TSPAN1: variants seen among roughly 807,000 people sequenced by gnomAD.
The protein encoded by TSPAN1 is tetraspanin 1.
A neutral mutation model predicts 26.9 loss-of-function variants in TSPAN1; 23 were observed. The observed-to-expected ratio is 0.85, with a 90% CI of 0.62 to 1.21. The LOEUF (loss-of-function observed/expected upper bound fraction) is 1.21. Among genes scored for constraint, TSPAN1 ranks in the 50% most tolerant of loss-of-function variants. The probability of loss-of-function intolerance (pLI) is 0.00; values close to 1 mark genes in which losing one functional copy is unlikely to be tolerated. For synonymous variants in TSPAN1, 115 were observed against 114.8 expected (o/e 1.00, Z -0.01); for missense variants, 283 against 298.4 (o/e 0.95, Z 0.38).
downstream of TSPAN1, among the ~76,000 whole-genome samples, chr1:46,188,519 C>A (rs1462238245): frequency 2.0e-5 from 3 of 152,206 alleles, no homozygotes; most frequent in Non-Finnish European, 4.4e-5. Context: ...GGGGAAAAAC[C>A]TTGGAGTTTG....
At chr1:46,194,007 G>A in the TSPAN1 span, 10 of 1,587,638 alleles carry the variant, frequency 6.3e-6, no homozygotes, top group African/African-American at 1.2e-4. Context: ...TCTCAGGTGA[G>A]GGTAGGTGCA....
At chr1:46,178,749 C>A (rs1657245238) in intron 1 of TSPAN1, among the ~76,000 whole-genome samples, 1 of 152,136 alleles carries the variant, frequency 6.6e-6, no homozygotes, top group Non-Finnish European at 1.5e-5. Context: ...GATGTAGACT[C>A]TGGTGCCAGA....
At chr1:46,177,883 A>G (rs970831136) in intron 1 of TSPAN1, among the ~76,000 whole-genome samples, 6 of 152,220 alleles carry the variant, frequency 3.9e-5, no homozygotes, top group African/African-American at 1.4e-4. Flanking sequence ...AGTGAGGTGA[A>G]GTCACACAAT....
chr1:46,191,113 C>A, the TSPAN1 span: 4 of 364,850 alleles, frequency 1.1e-5, no homozygotes, highest in Non-Finnish European at 2.1e-5. Flanking sequence ...ACAGGCCCTG[C>A]AGGAGGTGGT....
At chr1:46,186,634 C>A (rs560381772), downstream of TSPAN1, among the ~76,000 whole-genome samples, 45 of 149,382 alleles carry the variant, frequency 3.0e-4, no homozygotes, top group Admixed American at 2.9e-3. Context: ...GGATTACAGG[C>A]ACCTGCCACC....
In TSPAN1 at chr1:46,184,323, G is replaced by A. The variant is rs143584741; in HGVS notation, c.190G>A (p.Gly64Ser). The change falls in exon 4 of 9, where the codon GGC becomes AGC. Residue 64 changes from glycine to serine, a missense_variant. Gly to Ser is a moderately conservative substitution (Grantham distance 56). Coordinates refer to ENST00000372003, the MANE Select transcript of TSPAN1 (RefSeq NM_005727.4). ...VNVGYFLIAA[G>S]VVVFALGFLG... ...CGTGGGCTACTTCCTCATCGCAGCCGGCGTTGTGGTCTTTGCTCTTGGTTT... is the reference window on the plus strand; with the variant it reads ...CGTGGGCTACTTCCTCATCGCAGCCAGCGTTGTGGTCTTTGCTCTTGGTTT... The A allele has an allele frequency of 5.6e-5, 90 of 1,614,044 alleles. No homozygotes were observed. The highest frequency in any genetic ancestry group is 1.6e-4 in the Middle Eastern group (1 of 6,082).
In TSPAN1 at chr1:46,185,042, G is replaced by A. The variant is rs2148147779; in HGVS notation, c.521G>A (p.Cys174Tyr). The change falls in exon 7 of 9, where the codon TGT (cysteine) becomes TAT (tyrosine). Residue 174 changes from cysteine (C) to tyrosine (Y), a missense_variant. Transcript: ENST00000372003. ...GAGAACAGTGCCTTTCCCCCATTCT[G>A]TTGCAATGACAACGTCACCAACACA... Reference protein sequence around the residue: ...FKENSAFPPFCCNDNVTNTAN... With the variant: ...FKENSAFPPFYCNDNVTNTAN... The A allele has an allele frequency of 1.2e-6, 2 of 1,614,146 alleles. No individual in the cohort carries two copies. Among genetic ancestry groups the A allele is most frequent in the East Asian group, 4.5e-5 (2 of 44,886 alleles).
At chr1:46,186,488 C>CTTTTTTTTTTTTTTTTTTT (rs751253861), downstream of TSPAN1, among the ~76,000 whole-genome samples, 1 of 130,120 alleles carries the variant, frequency 7.7e-6, no homozygotes, top group Non-Finnish European at 1.7e-5. Context: ...CTTTTCTTTT[C>CTTTTTTTTTTTTTTTTTTT]TTTTTTTTTT....
At chr1:46,188,580 C>T, downstream of TSPAN1, 1 of 1,412,070 alleles carries the variant, frequency 7.1e-7, no homozygotes, top group Non-Finnish European at 9.4e-7. Flanking sequence ...AAGATAAACT[C>T]TGTGGAGGAC....
At chr1:46,189,652 C>T (rs1657595376), downstream of TSPAN1, 3 of 1,556,950 alleles carry the variant, frequency 1.9e-6, no homozygotes, top group Admixed American at 3.9e-5. Flanking sequence ...CAGCCCCCAC[C>T]CCTCCTCAGA....
At chr1:46,183,441 A>T (rs1657356126) in intron 3 of TSPAN1, 1 of 152,498 alleles carries the variant, frequency 6.6e-6, no homozygotes, top group East Asian at 1.9e-4. Flanking sequence ...AGGCTGATTC[A>T]TCCACTGAAG....
At chr1:46,195,839 G>T in the TSPAN1 span, 1 of 1,606,184 alleles carries the variant, frequency 6.2e-7, no homozygotes, top group Non-Finnish European at 8.5e-7. Context: ...CACTCGGCCG[G>T]GCGCTACCAT....
At chr1:46,189,694 T>C, downstream of TSPAN1, 1 of 1,548,244 alleles carries the variant, frequency 6.5e-7, no homozygotes, top group South Asian at 1.2e-5. Context: ...ATAGCATCTT[T>C]TAGAATATGA....
the TSPAN1 span, chr1:46,193,797 G>T: frequency 6.2e-7 from 1 of 1,608,874 alleles, no homozygotes. Flanking sequence ...CCTCCTGGAG[G>T]TAGATGACCT....
intron 3 of TSPAN1, among the ~76,000 whole-genome samples, chr1:46,182,317 A>AAAAAAAAAAAAAAAAAAAAAAAAAAC (rs1657332418): frequency 6.8e-6 from 1 of 146,224 alleles, no homozygotes; most frequent in African/African-American, 2.5e-5. Flanking sequence ...AAAAAAAAAA[A>AAAAAAAAAAAAAAAAAAAAAAAAAAC]GCCACTGTGA....
intron 3 of TSPAN1, among the ~76,000 whole-genome samples, chr1:46,181,617 TATTCATTCGAC>T (rs1240525655): frequency 3.3e-5 from 5 of 151,856 alleles, no homozygotes. Context: ...CAACAGTCCT[TATTCATTCGAC>T]AAACATTCAT....
At chr1:46,186,488 CTTTTTTT>C (rs751253861), downstream of TSPAN1, among the ~76,000 whole-genome samples, 3 of 130,120 alleles carry the variant, frequency 2.3e-5, no homozygotes, top group Non-Finnish European at 5.0e-5. Context: ...CTTTTCTTTT[CTTTTTTT>C]TTTTTTTTTT....
chr1:46,181,225 A>G, intron 3 of TSPAN1, 61 bp downstream of exon 3: 1 of 1,505,108 alleles, frequency 6.6e-7, no homozygotes, highest in Admixed American at 1.9e-5. Context: ...CAAGCTGAGT[A>G]GAGACTAAGC....
downstream of TSPAN1, chr1:46,189,122 T>A: frequency 6.7e-7 from 1 of 1,492,404 alleles, no homozygotes; most frequent in Non-Finnish European, 8.9e-7. Context: ...AGGGGAACCC[T>A]CCCCTTGGAG....
Sources: gnomAD v4.1 joint callset for allele counts (sites outside exome capture counted in the v4.1 genomes callset) on GRCh38, gnomAD v4.1.1 for gene constraint, MANE v1.5 for transcripts, NCBI Gene and HGNC (gene_info 2026-07-23, HGNC 2026-07-21) for gene names.